The following FRMPD4 variants were observed in gnomAD, a reference collection of about 807,000 sequenced individuals.
FRMPD4 encodes FERM and PDZ domain-containing protein 4.
FRMPD4 carries 22 observed loss-of-function variants against 94.1 expected under a neutral mutation model. The ratio of observed to expected loss-of-function variants is 0.23; its 90% CI spans 0.17 to 0.33. FRMPD4 has a LOEUF of 0.33. Among genes scored for constraint, FRMPD4 ranks in the 10% least tolerant of loss-of-function variants. The pLI is 1.00. For missense variants in FRMPD4, 1,111 were observed against 1,339.9 expected, an observed-to-expected ratio of 0.83 and a Z score of 2.67; for synonymous variants, 631 against 548.6, an observed-to-expected ratio of 1.15 and a Z score of -2.10.
At chrX:11,905,745 T>G (rs2053963713) in intron 3 of FRMPD4, among the ~76,000 whole-genome samples, 1 of 111,675 alleles carries the variant, frequency 9.0e-6, no homozygotes, top group Non-Finnish European at 1.9e-5. Flanking sequence ...GAGATTGACT[T>G]TAAATAGATA....
intron 1 of FRMPD4, among the ~76,000 whole-genome samples, chrX:12,467,508 A>T (rs1478684820): frequency 8.9e-6 from 1 of 112,296 alleles, no homozygotes; most frequent in Non-Finnish European, 1.9e-5. Flanking sequence ...AGTGCTGGGA[A>T]GTTGTCAAAA....
At chrX:12,218,621 T>C (rs1293396110) in intron 1 of FRMPD4, among the ~76,000 whole-genome samples, 1 of 112,349 alleles carries the variant, frequency 8.9e-6, no homozygotes, top group East Asian at 2.8e-4. Flanking sequence ...ATAGATTCAC[T>C]CTAAAAATAG....
At chrX:12,528,213 G>A (rs185201858) in intron 2 of FRMPD4, among the ~76,000 whole-genome samples, 11 of 110,545 alleles carry the variant, frequency 1.0e-4, no homozygotes, top group African/African-American at 3.3e-4. Flanking sequence ...TGTGTAGCAG[G>A]ATATCAGAGA....
chrX:12,546,290 A>G lies in FRMPD4; in HGVS notation c.158+47494A>G, dbSNP rs183978932. Among the ~76,000 whole-genome samples the G allele has an allele frequency of 1.6e-3, 173 of 108,897 alleles. 3 individuals are homozygous for G. Among genetic ancestry groups the G allele is most frequent in the Admixed American group, 0.015 (151 of 10,148 alleles). The allele number at this position is 108,897 out of a possible 115,157, so 94.6% of individuals were successfully genotyped here. A position where few individuals can be genotyped will look rare whatever the true frequency, so the allele number is the denominator to read the frequency against. ...CCACCTCCAGGATTCAAGCAATTCT[A>G]CTGCAGCCTCCCGAGTAGCTGAGAT... is the stretch of plus-strand genomic sequence containing the variant. On this transcript the variant is annotated intron_variant, in intron 2 of 16. Transcript: ENST00000675598.
intron 1 of FRMPD4, among the ~76,000 whole-genome samples, chrX:12,485,867 C>T (rs1193299165): frequency 9.1e-6 from 1 of 109,583 alleles, no homozygotes; most frequent in Non-Finnish European, 1.9e-5. Flanking sequence ...CAAGATGGCG[C>T]CATTGCACTC....
At chrX:12,429,942 G>A (rs772934716) in intron 1 of FRMPD4, among the ~76,000 whole-genome samples, 15 of 111,942 alleles carry the variant, frequency 1.3e-4, no homozygotes, top group Admixed American at 3.8e-4. Flanking sequence ...TGGAGGACAC[G>A]GGATTCGAGA....
intron 3 of FRMPD4, among the ~76,000 whole-genome samples, chrX:11,990,543 A>T: frequency 8.9e-6 from 1 of 112,399 alleles, no homozygotes; most frequent in African/African-American, 3.2e-5. Flanking sequence ...CCTAAAGCTT[A>T]CTAAATATCT....
At chrX:12,494,106 A>G (rs1044629877) in intron 1 of FRMPD4, among the ~76,000 whole-genome samples, 6 of 112,239 alleles carry the variant, frequency 5.3e-5, no homozygotes, top group Non-Finnish European at 9.4e-5. Flanking sequence ...GTTTTATTCA[A>G]CTAAGGTTTA....
chrX:12,053,183 C>CA (rs2054828011), intron 3 of FRMPD4, among the ~76,000 whole-genome samples: 3 of 108,042 alleles, frequency 2.8e-5, no homozygotes, highest in Non-Finnish European at 5.7e-5. Flanking sequence ...AATAAAAATA[C>CA]AAAAAATTAG....
chrX:12,102,793 G>A (rs1188723109), intron 3 of FRMPD4, among the ~76,000 whole-genome samples: 2 of 109,426 alleles, frequency 1.8e-5, no homozygotes, highest in Non-Finnish European at 3.8e-5. Context: ...CTTTTTCCTG[G>A]CGATACTAGA....
intron 1 of FRMPD4, among the ~76,000 whole-genome samples, chrX:12,179,588 A>G (rs368538122): frequency 8.9e-6 from 1 of 111,790 alleles, no homozygotes; most frequent in African/African-American, 3.2e-5. Flanking sequence ...AATGACAAGT[A>G]TGCAAGAAAT....
chrX:12,711,108 A>G (rs1012114720), intron 14 of FRMPD4, among the ~76,000 whole-genome samples: 15 of 111,604 alleles, frequency 1.3e-4, no homozygotes, highest in African/African-American at 4.9e-4. Context: ...TGATTTTATT[A>G]TCATGAAAGT....
chrX:12,192,554 C>A (rs1419499686), intron 1 of FRMPD4, among the ~76,000 whole-genome samples: 2 of 111,738 alleles, frequency 1.8e-5, no homozygotes, highest in Non-Finnish European at 3.8e-5. Flanking sequence ...TTCACCTTGC[C>A]AGTCAAGCAT....
rs2055633967 is a variant in FRMPD4 at position 12,138,567 on chromosome X, T to TCCGAGGGC, written c.-403_-396dup. The TCCGAGGGC allele has an allele frequency of 1.6e-5, 4 of 253,463 alleles. No individual in the cohort carries two copies. The highest frequency in any genetic ancestry group is 2.6e-4 in the South Asian group (1 of 3,868). The allele number at this position is 253,463 out of a possible 1,213,427, so 20.9% of individuals were successfully genotyped here. On this transcript the variant is annotated 5_prime_UTR_variant, in exon 1 of 17. Coordinates refer to ENST00000675598, the MANE Select transcript of FRMPD4 (RefSeq NM_001368397.1). ...CTCCTCGGTGCGTGGGGCACGAGGG[T>TCCGAGGGC]CCGAGGGCCGGGAAGCCAGAGCAGC...
At chrX:12,292,422 A>G (rs1032056100) in intron 1 of FRMPD4, among the ~76,000 whole-genome samples, 1 of 111,372 alleles carries the variant, frequency 9.0e-6, no homozygotes, top group African/African-American at 3.3e-5. Context: ...TTATTTCTAA[A>G]GTATCAACAA....
intron 4 of FRMPD4, among the ~76,000 whole-genome samples, chrX:12,645,215 A>G (rs1204478357): frequency 9.1e-6 from 1 of 110,316 alleles, no homozygotes; most frequent in Non-Finnish European, 1.9e-5. Context: ...CCCATTAAAT[A>G]TTATCTGCTA....
chrX:12,111,541 A>G (rs2055361522), intron 3 of FRMPD4, among the ~76,000 whole-genome samples: 1 of 111,616 alleles, frequency 9.0e-6, no homozygotes, highest in Admixed American at 9.5e-5. Flanking sequence ...CACCAAAAGC[A>G]ATGGCAACAA....
At chrX:11,964,923 AC>A (rs774627795) in intron 3 of FRMPD4, among the ~76,000 whole-genome samples, 14 of 112,738 alleles carry the variant, frequency 1.2e-4, no homozygotes, top group African/African-American at 4.5e-4. Context: ...TGGGCAACCC[AC>A]ATTCCTTGGC....
intron 3 of FRMPD4, among the ~76,000 whole-genome samples, chrX:12,064,669 G>T (rs2054907685): frequency 8.9e-6 from 1 of 111,914 alleles, no homozygotes; most frequent in African/African-American, 3.2e-5. Context: ...AGGGTAATCT[G>T]TGCAGGAGTA....
Sources: gnomAD v4.1 joint callset for allele counts (sites outside exome capture counted in the v4.1 genomes callset) on GRCh38, gnomAD v4.1.1 for gene constraint, MANE v1.5 for transcripts, NCBI Gene and HGNC (gene_info 2026-07-23, HGNC 2026-07-21) for gene names.